The following USO1 variants were observed in gnomAD, a reference collection of about 807,000 sequenced individuals.
USO1 encodes USO1 vesicle transport factor.
A neutral mutation model predicts 124.5 loss-of-function variants in USO1; 57 were observed. The observed-to-expected ratio is 0.46, with a 90% confidence interval of 0.37 to 0.57. The LOEUF (loss-of-function observed/expected upper bound fraction) is 0.57. Among genes scored for constraint, USO1 ranks in the 20% least tolerant of loss-of-function variants. The pLI, the probability that USO1 is intolerant of heterozygous loss-of-function variation, is 0.00. For missense variants in USO1, 900 were observed against 1,040.6 expected, an observed-to-expected ratio of 0.86 and a Z score of 1.86; for synonymous variants, 369 against 362.8, an observed-to-expected ratio of 1.02 and a Z score of -0.19.
intron 1 of USO1, among the ~76,000 whole-genome samples, chr4:75,746,408 GGCACAATTATACT>G (rs1721128312): frequency 6.6e-6 from 1 of 152,140 alleles, no homozygotes; most frequent in Admixed American, 6.5e-5. Flanking sequence ...TGGACAATGT[GGCACAATTATACT>G]GCACTGAGTT....
In USO1 at chr4:75,747,171, G is replaced by T. The variant is rs546105208; in HGVS notation, c.67-5202G>T. Among the ~76,000 whole-genome samples the T allele has an allele frequency of 2.0e-5, 3 of 152,274 alleles. No homozygotes were observed. The South Asian group carries it at 6.2e-4, about 32-fold the overall frequency. On this transcript the variant is annotated intron_variant, in intron 1 of 23. Coordinates refer to ENST00000514213, the MANE Select transcript of USO1 (RefSeq NM_003715.4). ...ATAGAGAAGCATGTAACTAATTTTAGATCACCATCAGAAATCATTAAAATG... is the reference window on the plus strand; with the variant it reads ...ATAGAGAAGCATGTAACTAATTTTATATCACCATCAGAAATCATTAAAATG...
At chr4:75,790,537 C>G in intron 11 of USO1, 106 bp from the exon 12 acceptor site, 1 of 1,446,218 alleles carries the variant, frequency 6.9e-7, no homozygotes, top group Non-Finnish European at 9.1e-7. Context: ...ACTTAACTTG[C>G]TGGTGTTCTG....
chr4:75,802,736 C>CTTTTTTTTTTTTTTTTTTTTTTTTT (rs997798305), intron 17 of USO1, among the ~76,000 whole-genome samples: 2 of 63,738 alleles, frequency 3.1e-5, no homozygotes, highest in South Asian at 7.6e-4. Context: ...TTTTTCTTTT[C>CTTTTTTTTTTTTTTTTTTTTTTTTT]TTTTTTTTTT....
In USO1 at chr4:75,724,722, T is replaced by C; in HGVS notation, c.-98T>C. 7.9e-7 allele frequency: 1 copy of C among 1,263,450 alleles called. No homozygotes were observed. The highest frequency in any genetic ancestry group is 1.1e-6 in the Non-Finnish European group (1 of 890,398). 78.3% of individuals were successfully genotyped at this position (1,263,450 alleles called of 1,614,324 possible). A position where few individuals can be genotyped will look rare whatever the true frequency, so the allele number is the denominator to read the frequency against. On this transcript the variant is annotated 5_prime_UTR_variant, in exon 1 of 24. Coordinates refer to ENST00000514213, the MANE Select transcript of USO1 (RefSeq NM_003715.4). ...CGGTGGTGGCAGCAGTAGGAGTGTG[T>C]AGAGTGCGGGATTGGGGCCCAGGCC...
intron 9 of USO1, among the ~76,000 whole-genome samples, chr4:75,784,233 T>C (rs1722297448): frequency 6.6e-6 from 1 of 152,180 alleles, no homozygotes; most frequent in African/African-American, 2.4e-5. Flanking sequence ...ATTGCCAGGC[T>C]GGTCAGGAAT....
intron 8 of USO1, among the ~76,000 whole-genome samples, chr4:75,781,684 A>G (rs985852762): frequency 1.3e-5 from 2 of 152,100 alleles, no homozygotes; most frequent in Non-Finnish European, 2.9e-5. Context: ...CAATAAGTAG[A>G]TGTCTGTGTA....
Position 75,793,854 on chromosome 4 carries a change from A to G in USO1, c.1405A>G (p.Asn469Asp), listed in dbSNP as rs749980505. The change falls in exon 13 of 24, where the codon AAC becomes GAC. Residue 469 changes from asparagine (N) to aspartate (D), a missense_variant. Physicochemically the swap from Asn to Asp is conservative, Grantham distance 23. This residue lies in a region of USO1 where 538 missense variants were observed against 681.6 expected (regional missense o/e 0.79). Coordinates refer to ENST00000514213, the MANE Select transcript of USO1 (RefSeq NM_003715.4). Reference protein sequence around the residue: ...LRVQLATSIGNPPVSLLQQCT... With the variant: ...LRVQLATSIGDPPVSLLQQCT... ...GGTTCAACTTGCTACAAGTATTGGC[A>G]ACCCTCCAGTTTCTTTACTTCAACA... 4 of 1,614,010 alleles carry G rather than the reference A, an allele frequency of 2.5e-6. No individual in the cohort carries two copies. The South Asian group carries it at 4.4e-5, about 18-fold the overall frequency.
chr4:75,765,787 G>C (rs324719), intron 4 of USO1, among the ~76,000 whole-genome samples: 55,670 of 151,898 alleles, frequency 0.37, 12,975 homozygotes, highest in African/African-American at 0.67. Flanking sequence ...ATCCTTTAAG[G>C]AGATCTGTAG....
intron 4 of USO1, among the ~76,000 whole-genome samples, chr4:75,757,872 T>G (rs1210918740): frequency 6.6e-6 from 1 of 152,128 alleles, no homozygotes; most frequent in East Asian, 1.9e-4. Flanking sequence ...AGTTCTGGAT[T>G]AAATAATTAT....
At chr4:75,760,642 G>A (rs1721578523) in intron 4 of USO1, 1 of 397,324 alleles carries the variant, frequency 2.5e-6, no homozygotes, top group Non-Finnish European at 4.4e-6. Flanking sequence ...GATGCTTTTA[G>A]GCATAGTTTC....
At chr4:75,803,572 C>T (rs1219588019) in intron 17 of USO1, among the ~76,000 whole-genome samples, 1 of 151,436 alleles carries the variant, frequency 6.6e-6, no homozygotes, top group Non-Finnish European at 1.5e-5. Context: ...ATTGCTTGAA[C>T]CTTGGAGGCA....
chr4:75,790,827 A>G, intron 12 of USO1, 30 bp downstream of exon 12: 1 of 1,523,188 alleles, frequency 6.6e-7, no homozygotes, highest in African/African-American at 1.4e-5. Context: ...TTTTTATTTG[A>G]AAAAGTAAAT....
chr4:75,809,577 G>C (rs929075700), intron 21 of USO1, among the ~76,000 whole-genome samples: 1 of 152,144 alleles, frequency 6.6e-6, no homozygotes, highest in Non-Finnish European at 1.5e-5. Flanking sequence ...AAGTTCTGCT[G>C]TCCACAAAAC....
chr4:75,774,103 G>A (rs1030549877), intron 7 of USO1, among the ~76,000 whole-genome samples: 1 of 152,170 alleles, frequency 6.6e-6, no homozygotes, highest in Admixed American at 6.5e-5. Flanking sequence ...CTGGAAGTCA[G>A]AGGCAATGGC....
At chr4:75,805,330 A>G (rs753834319) in intron 19 of USO1, 27 bp downstream of exon 19, 1 of 1,540,908 alleles carries the variant, frequency 6.5e-7, no homozygotes, top group Non-Finnish European at 8.7e-7. Context: ...AGAAGTTAAA[A>G]TAAGAGTTCA....
At chr4:75,757,649 A>C (rs756818287) in intron 4 of USO1, 76 bp downstream of exon 4, 2 of 1,292,710 alleles carry the variant, frequency 1.5e-6, no homozygotes, top group Non-Finnish European at 2.0e-6. Flanking sequence ...CTGGTTTTAA[A>C]GTTGGACTTG....
chr4:75,760,560 C>G, intron 4 of USO1: 1 of 397,142 alleles, frequency 2.5e-6, no homozygotes, highest in East Asian at 3.6e-5. Flanking sequence ...TTATCATCCA[C>G]TTTTTATTTA....
At chr4:75,788,171 A>ATTTTTTTTTTT (rs11291010) in intron 10 of USO1, among the ~76,000 whole-genome samples, 8 of 123,244 alleles carry the variant, frequency 6.5e-5, no homozygotes, top group South Asian at 2.7e-4. Context: ...TTATTTATTT[A>ATTTTTTTTTTT]TTTTTTTTTT....
chr4:75,754,325 C>T (rs541721261), intron 3 of USO1, among the ~76,000 whole-genome samples: 4 of 151,936 alleles, frequency 2.6e-5, no homozygotes, highest in South Asian at 2.1e-4. Context: ...TCAGGTGATC[C>T]GCCCACCTCA....
Sources: allele counts gnomAD v4.1 joint callset (sites outside exome capture counted in the v4.1 genomes callset), GRCh38; gene constraint gnomAD v4.1.1; regional missense constraint gnomAD v4.1.1; transcripts MANE v1.5; gene names NCBI Gene and HGNC (gene_info 2026-07-23, HGNC 2026-07-21).